The following AFDN variants were observed in gnomAD, a reference collection of about 807,000 sequenced individuals.
The protein encoded by AFDN is afadin, adherens junction formation factor, also known as afadin.
AFDN carries 68 observed loss-of-function variants against 216.6 expected under a neutral mutation model. That is an observed-to-expected ratio of 0.31 (90% CI 0.26 to 0.38). The LOEUF (loss-of-function observed/expected upper bound fraction) is 0.38. AFDN is among the 10% of genes least tolerant of loss of function. The pLI is 1.00. For synonymous variants in AFDN, 868 were observed against 853.7 expected (o/e 1.02, Z -0.29); for missense variants, 2,136 against 2,342.0 (o/e 0.91, Z 1.82).
At position 167,970,424 on chromosome 6, in the gene AFDN, G is replaced by A; in HGVS notation, c.*489G>A. 9.1e-6 allele frequency: 2 copies of A among 220,532 alleles called. No homozygotes were observed. The highest frequency in any genetic ancestry group is 1.3e-4 in the East Asian group (2 of 14,936). The allele number at this position is 220,532 out of a possible 1,614,324, so 13.7% of individuals were successfully genotyped here. On this transcript the variant is annotated 3_prime_UTR_variant, in exon 34 of 34. Coordinates refer to ENST00000683244, the MANE Select transcript of AFDN (RefSeq NM_001386888.1). ...TAGTGACCACACGCTCTTCTACCCG[G>A]GAAGGAACATATGACGACATGCTCC...
chr6:167,855,062 A>G (rs1194143885), intron 1 of AFDN, among the ~76,000 whole-genome samples: 1 of 152,060 alleles, frequency 6.6e-6, no homozygotes, highest in Non-Finnish European at 1.5e-5. Flanking sequence ...CAATGATGAT[A>G]TTCAGTGTAA....
At chr6:167,875,896 G>A (rs532001071) in intron 5 of AFDN, among the ~76,000 whole-genome samples, 1 of 151,946 alleles carries the variant, frequency 6.6e-6, no homozygotes, top group Non-Finnish European at 1.5e-5. Context: ...AAATATTTTG[G>A]TATATTTTCC....
intron 22 of AFDN, 103 bp downstream of exon 22, chr6:167,923,062 A>G (rs1415712536): frequency 9.0e-6 from 7 of 780,164 alleles, no homozygotes; most frequent in Admixed American, 5.6e-5. Flanking sequence ...GTGATGGCAG[A>G]GTTTTAAAAT....
At chr6:167,959,028 A>G (rs1796791140) in intron 30 of AFDN, among the ~76,000 whole-genome samples, 1 of 152,252 alleles carries the variant, frequency 6.6e-6, no homozygotes, top group Non-Finnish European at 1.5e-5. Flanking sequence ...CAACACGTAT[A>G]TATTGCAGAA....
At chr6:167,891,055 A>C in intron 8 of AFDN, 26 bp downstream of exon 8, 1 of 1,511,696 alleles carries the variant, frequency 6.6e-7, no homozygotes, top group Middle Eastern at 1.8e-4. Context: ...ACACCAGCAC[A>C]CATTATTAAT....
At chr6:167,855,170 A>C (rs2128193433) in intron 1 of AFDN, among the ~76,000 whole-genome samples, 1 of 152,172 alleles carries the variant, frequency 6.6e-6, no homozygotes. Flanking sequence ...AGTTTACTTA[A>C]GTATTTGAAG....
At chr6:167,846,631 T>C (rs1397629594) in intron 1 of AFDN, among the ~76,000 whole-genome samples, 2 of 151,836 alleles carry the variant, frequency 1.3e-5, no homozygotes, top group African/African-American at 2.4e-5. Flanking sequence ...GCTTTTTTTT[T>C]CAGTTTATTT....
Position 167,971,793 on chromosome 6 carries a change from G to A in AFDN, c.*1858G>A, listed in dbSNP as rs538755734. 4.8e-5 allele frequency: 10 copies of A among 206,918 alleles called. No individual in the cohort carries two copies. The South Asian group carries it at 1.9e-3, about 39-fold the overall frequency. 12.8% of individuals were successfully genotyped at this position (206,918 alleles called of 1,614,324 possible). On this transcript the variant is annotated 3_prime_UTR_variant, in exon 34 of 34. Coordinates refer to ENST00000683244, the MANE Select transcript of AFDN (RefSeq NM_001386888.1). ...GGGCAGTGAGGTCAAATGTGAATATGTGTAAAAGTGCTTTTCAGAACTGCA... is the reference window on the plus strand; with the variant it reads ...GGGCAGTGAGGTCAAATGTGAATATATGTAAAAGTGCTTTTCAGAACTGCA...
chr6:167,895,896 G>A (rs147103993), intron 9 of AFDN, among the ~76,000 whole-genome samples: 5 of 152,274 alleles, frequency 3.3e-5, no homozygotes, highest in African/African-American at 1.2e-4. Context: ...GCTTTGGTGG[G>A]TGGTGTGCTT....
At chr6:167,911,517 C>T (rs781429467) in intron 15 of AFDN, 28 bp downstream of exon 15, 2 of 1,603,156 alleles carry the variant, frequency 1.2e-6, no homozygotes, top group Non-Finnish European at 1.7e-6. Context: ...AGCCATGCTC[C>T]TCCAGTGATT....
At chr6:167,898,097 T>C (rs1788503380) in intron 10 of AFDN, 108 bp from the exon 11 acceptor site, 1 of 1,209,502 alleles carries the variant, frequency 8.3e-7, no homozygotes, top group Non-Finnish European at 1.2e-6. Context: ...AATCCAGAGC[T>C]TATTAGGTTA....
chr6:167,904,229 A>T (rs1789355418), intron 12 of AFDN, among the ~76,000 whole-genome samples: 2 of 150,250 alleles, frequency 1.3e-5, no homozygotes, highest in Admixed American at 6.6e-5. Flanking sequence ...TTTCTTCCTG[A>T]GACAGAGTCT....
chr6:167,863,750 C>A (rs1227476938), intron 1 of AFDN: 1 of 518,182 alleles, frequency 1.9e-6, no homozygotes, highest in Non-Finnish European at 3.9e-6. Context: ...GTAGATGATA[C>A]CTGTGGAGGG....
chr6:167,961,870 T>TA (rs1392066130), intron 30 of AFDN, among the ~76,000 whole-genome samples: 1 of 151,912 alleles, frequency 6.6e-6, no homozygotes. Flanking sequence ...GAGCTGATGG[T>TA]AAAGGGCAGA....
Position 167,893,669 on chromosome 6 carries a change from A to G in AFDN, c.1178-193A>G. ...GTCTGCATTGGTTTCTAAAACACTG[A>G]CTGGGGCACTAGTATAGTCTTGTCC... On this transcript the variant is annotated intron_variant, in intron 8 of 33. Coordinates refer to ENST00000683244, the MANE Select transcript of AFDN (RefSeq NM_001386888.1). The G allele has an allele frequency of 1.1e-5, 6 of 557,550 alleles. No homozygotes were observed. In the South Asian group the frequency reaches 1.2e-4, roughly 11 times the overall value. 34.5% of individuals were successfully genotyped at this position (557,550 alleles called of 1,614,324 possible).
At position 167,971,090 on chromosome 6, in the gene AFDN, T is replaced by G; in HGVS notation, c.*1155T>G. 1 of 221,020 alleles carries G rather than the reference T, an allele frequency of 4.5e-6. No homozygotes were observed. The highest frequency in any genetic ancestry group is 5.8e-5 in the Admixed American group (1 of 17,348). The allele number at this position is 221,020 out of a possible 1,614,324, so 13.7% of individuals were successfully genotyped here. A position where few individuals can be genotyped will look rare whatever the true frequency, so the allele number is the denominator to read the frequency against. Reference sequence around the variant, plus strand: ...CTGATGTTGGGGAGACGGACCTCAGTGTGTTTTATATTGTCTGGTGTTAAG... The same window carrying G: ...CTGATGTTGGGGAGACGGACCTCAGGGTGTTTTATATTGTCTGGTGTTAAG... On this transcript the variant is annotated 3_prime_UTR_variant, in exon 34 of 34. Coordinates refer to ENST00000683244, the MANE Select transcript of AFDN (RefSeq NM_001386888.1).
intron 23 of AFDN, among the ~76,000 whole-genome samples, chr6:167,934,522 G>A (rs890641575): frequency 9.9e-5 from 15 of 152,176 alleles, no homozygotes; most frequent in African/African-American, 3.4e-4. Flanking sequence ...GGAGAGCAGC[G>A]AGCGGGCAGA....
intron 8 of AFDN, chr6:167,893,623 G>A: frequency 2.1e-6 from 1 of 468,780 alleles, no homozygotes; most frequent in Non-Finnish European, 3.9e-6. Context: ...CTCACCTGTT[G>A]TCCTGTGGTT....
At chr6:167,908,693 A>G (rs1329953189) in intron 13 of AFDN, among the ~76,000 whole-genome samples, 1 of 152,192 alleles carries the variant, frequency 6.6e-6, no homozygotes, top group Non-Finnish European at 1.5e-5. Context: ...ATTGTATGTC[A>G]GGAATTATTT....
Sources: gnomAD v4.1 joint callset for allele counts (sites outside exome capture counted in the v4.1 genomes callset) on GRCh38, gnomAD v4.1.1 for gene constraint, MANE v1.5 for transcripts, NCBI Gene and HGNC (gene_info 2026-07-23, HGNC 2026-07-21) for gene names.